The following MAP4 variants were observed in gnomAD, a reference collection of about 807,000 sequenced individuals.
MAP4 encodes the protein microtubule associated protein 4.
A neutral mutation model predicts 170.2 loss-of-function variants in MAP4; 76 were observed. That is an observed-to-expected ratio of 0.45 (90% CI 0.37 to 0.54). The LOEUF is 0.54. Ranked by LOEUF, MAP4 falls within the 20% of genes least tolerant of loss-of-function variation. The pLI is 0.00. For synonymous variants in MAP4, 909 were observed against 994.5 expected (o/e 0.91, Z 1.62); for missense variants, 2,506 against 2,748.0 (o/e 0.91, Z 1.97).
intron 1 of MAP4, among the ~76,000 whole-genome samples, chr3:48,048,089 A>G (rs1579543437): frequency 6.6e-6 from 1 of 152,216 alleles, no homozygotes; most frequent in East Asian, 1.9e-4. Flanking sequence ...GTACTGGGCA[A>G]TGTATCTAGA....
intron 10 of MAP4, among the ~76,000 whole-genome samples, chr3:47,883,915 TAC>T (rs1010258653): frequency 3.9e-5 from 6 of 152,258 alleles, no homozygotes; most frequent in African/African-American, 1.4e-4. Flanking sequence ...TTGCTTTTTT[TAC>T]AGATTTTTGT....
At chr3:48,034,081 C>T (rs923938371) in intron 1 of MAP4, among the ~76,000 whole-genome samples, 1 of 152,168 alleles carries the variant, frequency 6.6e-6, no homozygotes, top group African/African-American at 2.4e-5. Flanking sequence ...CATATTGTGC[C>T]AAGTACCTTT....
intron 2 of MAP4, among the ~76,000 whole-genome samples, chr3:47,995,748 A>C (rs2100095184): frequency 6.6e-6 from 1 of 152,168 alleles, no homozygotes. Context: ...ACTACAAAAA[A>C]CTTGAATTAA....
At chr3:47,876,120 C>T (rs939075913) in intron 11 of MAP4, among the ~76,000 whole-genome samples, 3 of 126,136 alleles carry the variant, frequency 2.4e-5, no homozygotes, top group Admixed American at 8.2e-5. Context: ...GGAATAGTTT[C>T]TTTTTCTTTT....
intron 3 of MAP4, among the ~76,000 whole-genome samples, chr3:47,962,599 G>A (rs563254746): frequency 2.0e-5 from 3 of 152,240 alleles, no homozygotes; most frequent in East Asian, 3.9e-4. Flanking sequence ...AATTTATGGT[G>A]TAGCTTCTGT....
intron 1 of MAP4, among the ~76,000 whole-genome samples, chr3:48,056,848 G>A (rs796462349): frequency 1.7e-5 from 2 of 118,162 alleles, no homozygotes; most frequent in Admixed American, 1.5e-4. Context: ...GGTGGGGGGG[G>A]GGTCAGCCCC....
chr3:47,922,942 C>T (rs1424763042), intron 4 of MAP4, among the ~76,000 whole-genome samples: 2 of 151,648 alleles, frequency 1.3e-5, no homozygotes, highest in Admixed American at 1.3e-4. Flanking sequence ...CCCAGCTACC[C>T]GGGAGGCTGA....
intron 1 of MAP4, among the ~76,000 whole-genome samples, chr3:48,056,920 G>T (rs1422457939): frequency 7.5e-6 from 1 of 132,650 alleles, no homozygotes; most frequent in African/African-American, 2.9e-5. Flanking sequence ...CAGCCGCCCC[G>T]TCCGGGAGGG....
In MAP4 at chr3:47,910,529, G is replaced by A; in HGVS notation, c.3892C>T (p.Leu1298Phe). 6 of 1,536,058 alleles carry A rather than the reference G, an allele frequency of 3.9e-6. No individual in the cohort carries two copies. Among genetic ancestry groups the A allele is most frequent in the Non-Finnish European group, 4.4e-6 (5 of 1,146,896 alleles). ...ATCTTGTTTTCCCCAAGAGTCCCAA[G>A]CTCAACAAAATTAACCTGAAAATTT... ...GGNFQVNFVE[L>F]GTLGENKIST... Residue 1298 changes from leucine (L) to phenylalanine (F), a missense_variant, in exon 9 of 21, where the codon CTT becomes TTT. Physicochemically the swap from Leu to Phe is conservative, Grantham distance 22. Around this residue, in one of 3 missense-constraint regions of MAP4, gnomAD observed 2,008 missense variants for 2,206.0 expected, o/e 0.91. Transcript: ENST00000683076.
At chr3:48,056,911 A>G (rs1579644706) in intron 1 of MAP4, among the ~76,000 whole-genome samples, 2 of 115,848 alleles carry the variant, frequency 1.7e-5, no homozygotes, top group African/African-American at 3.5e-5. Flanking sequence ...CTGCCCGGCC[A>G]GCCGCCCCGT....
chr3:47,929,027 T>G (rs189927336), intron 3 of MAP4, among the ~76,000 whole-genome samples: 2 of 152,300 alleles, frequency 1.3e-5, no homozygotes, highest in Admixed American at 1.3e-4. Flanking sequence ...GTTGAAGGGC[T>G]TACATAACCT....
At chr3:47,941,796 A>G (rs2100056667) in intron 3 of MAP4, among the ~76,000 whole-genome samples, 2 of 151,962 alleles carry the variant, frequency 1.3e-5, no homozygotes, top group South Asian at 2.1e-4. Context: ...CAAAAAAAAA[A>G]AAAAAAAGGC....
At position 48,059,384 on chromosome 3, in the gene MAP4, G is replaced by A. The variant is rs538323189; in HGVS notation, c.-20+29389C>T. On this transcript the variant is annotated intron_variant, in intron 1 of 18. Coordinates refer to the MAP4 transcript ENST00000360240. Reference sequence around the variant, plus strand: ...CAAAAAATTAGCCAGGCATGGTGGCGTGCGCCTGTAGTCCCAGCTACCTGG... The same window carrying A: ...CAAAAAATTAGCCAGGCATGGTGGCATGCGCCTGTAGTCCCAGCTACCTGG... Among the ~76,000 whole-genome samples the A allele has an allele frequency of 1.1e-4, 16 of 151,310 alleles. No homozygotes were observed. The East Asian group carries it at 1.8e-3, about 17-fold the overall frequency.
intron 12 of MAP4, among the ~76,000 whole-genome samples, chr3:47,873,592 A>T (rs569829567): frequency 1.1e-3 from 162 of 152,356 alleles, no homozygotes; most frequent in African/African-American, 3.7e-3. Flanking sequence ...AAAGGCCTTA[A>T]GTATGGTGTG....
chr3:47,988,122 A>C (rs2100089941), intron 2 of MAP4, among the ~76,000 whole-genome samples: 1 of 151,188 alleles, frequency 6.6e-6, no homozygotes, highest in Non-Finnish European at 1.5e-5. Flanking sequence ...TGAACCCGGG[A>C]GGCGGAGCTT....
intron 1 of MAP4, 91 bp from the exon 2 acceptor site, chr3:47,998,970 A>G: frequency 1.3e-6 from 1 of 751,266 alleles, no homozygotes. Flanking sequence ...GAAACAAACA[A>G]AAGAATCAAA....
At chr3:47,996,028 G>C (rs1011303169) in intron 2 of MAP4, among the ~76,000 whole-genome samples, 10 of 152,178 alleles carry the variant, frequency 6.6e-5, no homozygotes, top group African/African-American at 2.4e-4. Context: ...TCTGCCGCAT[G>C]CTCACAGGAA....
chr3:48,023,367 A>T (rs2100111499), intron 1 of MAP4, among the ~76,000 whole-genome samples: 1 of 152,238 alleles, frequency 6.6e-6, no homozygotes, highest in Admixed American at 6.5e-5. Flanking sequence ...TTTTGTATTT[A>T]CATACAAATG....
chr3:47,909,936 A>G lies in MAP4; in HGVS notation c.4485T>C (p.Gly1495=). 6.2e-7 allele frequency: 1 copy of G among 1,613,856 alleles called. No individual in the cohort carries two copies. Among genetic ancestry groups the G allele is most frequent in the Non-Finnish European group, 8.5e-7 (1 of 1,179,822 alleles). ...DGVPGQERPK[G]PSAVVPSTST... ...TTGTAGAGGGCACAACAGCAGAGGG[A>G]CCCTTGGGTCTTTCTTGACCTGGGA... is the stretch of plus-strand genomic sequence containing the variant. Residue 1495 remains glycine, a synonymous_variant, in exon 9 of 21, where the codon GGT becomes GGC. Transcript: ENST00000683076.
Sources: allele counts gnomAD v4.1 joint callset (sites outside exome capture counted in the v4.1 genomes callset), GRCh38; gene constraint gnomAD v4.1.1; regional missense constraint gnomAD v4.1.1; transcripts MANE v1.5; gene names NCBI Gene and HGNC (gene_info 2026-07-23, HGNC 2026-07-21).